Variants in MGAM observed in about 807,000 individuals in gnomAD.
MGAM encodes alpha-1,4-glucosidase.
Under a neutral mutation model 358.8 loss-of-function variants are expected in MGAM, and 253 were observed. The observed-to-expected ratio is 0.71, with a 90% CI of 0.64 to 0.78. The LOEUF (loss-of-function observed/expected upper bound fraction) is 0.78, where lower values mean the gene tolerates loss of function less well. Among genes scored for constraint, MGAM ranks in the 30% least tolerant of loss-of-function variants. MGAM has a pLI of 0.00. For synonymous variants in MGAM, 1,105 were observed against 1,227.1 expected, an observed-to-expected ratio of 0.90 and a Z score of 2.08; for missense variants, 3,080 against 3,432.6, an observed-to-expected ratio of 0.90 and a Z score of 2.57.
At chr7:141,997,696 G>A (rs1214975780) in intron 1 of MGAM, among the ~76,000 whole-genome samples, 3 of 151,884 alleles carry the variant, frequency 2.0e-5, no homozygotes, top group Admixed American at 2.0e-4. Flanking sequence ...ACCCAGAGGG[G>A]TTAAGTGGAT....
chr7:142,029,702 G>A (rs1209373765), intron 10 of MGAM, among the ~76,000 whole-genome samples: 1 of 152,162 alleles, frequency 6.6e-6, no homozygotes, highest in East Asian at 1.9e-4. Flanking sequence ...ACTTTGAATG[G>A]CTAAGTTTGA....
intron 21 of MGAM, among the ~76,000 whole-genome samples, chr7:142,045,366 A>T (rs1349305516): frequency 9.5e-6 from 1 of 105,736 alleles, no homozygotes; most frequent in African/African-American, 3.7e-5. Context: ...CATGATATAT[A>T]ATATATATTA....
chr7:142,004,570 C>T (rs1804999491), intron 1 of MGAM: 2 of 151,958 alleles, frequency 1.3e-5, no homozygotes, highest in Non-Finnish European at 2.9e-5. Context: ...GAAATACTAC[C>T]TATTGGGTAC....
chr7:142,044,686 G>A (rs62650369), intron 21 of MGAM, among the ~76,000 whole-genome samples: 995 of 34,212 alleles, frequency 0.029, 69 homozygotes, highest in Non-Finnish European at 0.045. Flanking sequence ...AATATATGAT[G>A]TATAATGAAT....
intron 25 of MGAM, among the ~76,000 whole-genome samples, 157 bp downstream of exon 25, chr7:142,052,603 C>G (rs931686882): frequency 6.6e-6 from 1 of 152,030 alleles, no homozygotes; most frequent in African/African-American, 2.4e-5. Flanking sequence ...GGGACATGTG[C>G]GAAACTTCTT....
At chr7:142,088,644 TTCTA>T (rs1188941465) in intron 57 of MGAM, among the ~76,000 whole-genome samples, 2 of 130,862 alleles carry the variant, frequency 1.5e-5, no homozygotes, top group Non-Finnish European at 3.4e-5. Flanking sequence ...ATATCTATCT[TTCTA>T]TCTGTCTGTC....
In MGAM at chr7:142,056,269, A is replaced by G. The variant is rs552767384; in HGVS notation, c.3580+173A>G. Reference sequence around the variant, plus strand: ...TGTTTATTTCAATCTAATATCATGTAATAAGAAGATTTAACCCAACTCTCA... The same window carrying G: ...TGTTTATTTCAATCTAATATCATGTGATAAGAAGATTTAACCCAACTCTCA... On this transcript the variant is annotated intron_variant, in intron 29 of 70. Coordinates refer to ENST00000475668, the MANE Select transcript of MGAM (RefSeq NM_001365693.1). 6.6e-5 allele frequency among the ~76,000 whole-genome samples: 10 copies of G among 152,350 alleles called. No homozygotes were observed. In the South Asian group the frequency reaches 1.5e-3, roughly 22 times the overall value.
At chr7:142,080,583 A>T (rs1350257662) in intron 49 of MGAM, among the ~76,000 whole-genome samples, 1 of 146,246 alleles carries the variant, frequency 6.8e-6, no homozygotes, top group Non-Finnish European at 1.5e-5. Context: ...ATATTGATGC[A>T]GTAGAGGCCT....
At position 142,046,425 on chromosome 7, in the gene MGAM, TCTC is replaced by T. The variant is rs1274521589; in HGVS notation, c.2499-1356_2499-1354del. On this transcript the variant is annotated intron_variant, in intron 21 of 70. Transcript: ENST00000475668. ...TCATTCCTCCAGAGATGATTTGCCTTCTCCTCTGTGTGCAAGCCAAGAATTGCT... is the reference window on the plus strand; with the variant it reads ...TCATTCCTCCAGAGATGATTTGCCTTCTCTGTGTGCAAGCCAAGAATTGCT... 5.9e-5 allele frequency among the ~76,000 whole-genome samples: 9 copies of T among 152,064 alleles called. No homozygotes were observed. The South Asian group carries it at 1.0e-3, about 17-fold the overall frequency.
chr7:142,020,366 C>T (rs1442043264), intron 4 of MGAM, among the ~76,000 whole-genome samples: 4 of 151,846 alleles, frequency 2.6e-5, no homozygotes, highest in Admixed American at 1.3e-4. Flanking sequence ...TAATTAATAC[C>T]GAATGACTGA....
chr7:142,042,759 T>A (rs183533789), intron 21 of MGAM, among the ~76,000 whole-genome samples: 3 of 78,376 alleles, frequency 3.8e-5, no homozygotes, highest in African/African-American at 1.6e-4. Flanking sequence ...ATAATATATA[T>A]ATTATATATA....
At chr7:142,067,218 C>A (rs1375692963) in intron 41 of MGAM, 123 bp from the exon 42 acceptor site, 22 of 965,780 alleles carry the variant, frequency 2.3e-5, no homozygotes, top group East Asian at 1.6e-4. Context: ...GGCCTAGGAA[C>A]AAAGCAAGGA....
At chr7:142,032,768 G>T (rs1584950638) in intron 13 of MGAM, 57 bp from the exon 14 acceptor site, 1 of 1,034,288 alleles carries the variant, frequency 9.7e-7, no homozygotes, top group South Asian at 1.5e-5. Flanking sequence ...ACACCATCAC[G>T]ACATCATAAG....
intron 1 of MGAM, among the ~76,000 whole-genome samples, chr7:141,996,797 T>C (rs965221887): frequency 6.6e-6 from 1 of 152,146 alleles, no homozygotes; most frequent in African/African-American, 2.4e-5. Context: ...AATATTGGGA[T>C]GCATTTATGA....
chr7:142,068,013 A>G (rs1812996202), intron 42 of MGAM, among the ~76,000 whole-genome samples: 1 of 66,424 alleles, frequency 1.5e-5, no homozygotes, highest in African/African-American at 4.7e-5. Flanking sequence ...TTTGAGACAG[A>G]GTCTCACTCT....
rs765556358 is a variant in MGAM, at chr7:142,050,838, A to G, written c.2779A>G (p.Thr927Ala). ...HNGVPSQTSP[T>A]VTYDSNLKVA... ...TGGTGTCCCAAGTCAGACTTCTCCT[A>G]CAGTCACTTATGATTCTAACCTGAA... The change falls in exon 24 of 71, where the codon ACA becomes GCA. Residue 927 changes from threonine (T) to alanine (A), a missense_variant. By Grantham distance (58) the Thr-to-Ala change is moderately conservative. Transcript: ENST00000475668. 4.3e-6 allele frequency: 7 copies of G among 1,613,608 alleles called. No individual in the cohort carries two copies. The highest frequency in any genetic ancestry group is 1.3e-5 in the African/African-American group (1 of 74,920).
intron 20 of MGAM, 71 bp downstream of exon 20, chr7:142,040,242 G>A: frequency 5.6e-6 from 7 of 1,240,546 alleles, no homozygotes; most frequent in Non-Finnish European, 8.2e-6. Flanking sequence ...CTACCTTTCT[G>A]GAGAGAGAAA....
intron 59 of MGAM, 49 bp downstream of exon 59, chr7:142,092,657 G>C: frequency 4.1e-6 from 6 of 1,450,478 alleles, no homozygotes; most frequent in Non-Finnish European, 5.7e-6. Flanking sequence ...TTGAAAGAAG[G>C]ATTACACTGG....
rs1001599660 is a variant in MGAM, at chr7:142,089,709, C to T, written c.6811-2204C>T. ...GGCTGAGGTAGGAGAATCGCTTGAA[C>T]CCGGGAGGCAGAGGTTGCAGTGAGC... On this transcript the variant is annotated intron_variant, in intron 57 of 70. Coordinates refer to ENST00000475668, the MANE Select transcript of MGAM (RefSeq NM_001365693.1). 5.5e-5 allele frequency among the ~76,000 whole-genome samples: 8 copies of T among 145,518 alleles called. 1 individual carries two copies. The highest frequency in any genetic ancestry group is 3.6e-3 in the Middle Eastern group (1 of 280).
Sources: allele counts gnomAD v4.1 joint callset (sites outside exome capture counted in the v4.1 genomes callset), GRCh38; gene constraint gnomAD v4.1.1; transcripts MANE v1.5; gene names NCBI Gene and HGNC (gene_info 2026-07-23, HGNC 2026-07-21).